Variants in RNASEL observed in about 807,000 individuals in gnomAD.
RNASEL encodes the protein ribonuclease L, also known as 2-5A-dependent ribonuclease.
RNASEL carries 36 observed loss-of-function variants against 50.9 expected under a neutral mutation model. That is an observed-to-expected ratio of 0.71 (90% CI 0.54 to 0.93). The LOEUF is 0.93. Among genes scored for constraint, RNASEL ranks in the 40% least tolerant of loss-of-function variants. RNASEL has a pLI of 0.00. For synonymous variants in RNASEL, 335 were observed against 335.6 expected, an observed-to-expected ratio of 1.00 and a Z score of 0.02; for missense variants, 860 against 894.5, an observed-to-expected ratio of 0.96 and a Z score of 0.49.
At chr1:182,580,702 G>A (rs1018409890) in intron 5 of RNASEL, among the ~76,000 whole-genome samples, 1 of 152,222 alleles carries the variant, frequency 6.6e-6, no homozygotes, top group Non-Finnish European at 1.5e-5. Context: ...ATGCAAGTTA[G>A]GTGGAACTTT....
At chr1:182,577,062 T>G (rs570060443) in intron 5 of RNASEL, 3 of 150,180 alleles carry the variant, frequency 2.0e-5, no homozygotes, top group South Asian at 4.2e-4. Flanking sequence ...TTTTTGTATT[T>G]TTAGTAGAGA....
intron 2 of RNASEL, 124 bp from the exon 3 acceptor site, chr1:182,584,290 C>A (rs1475054657): frequency 2.8e-6 from 2 of 724,566 alleles, no homozygotes; most frequent in Non-Finnish European, 5.0e-6. Context: ...CAATAATAAA[C>A]CTTATATCTG....
rs747227620 is a variant in RNASEL at position 182,585,513 on chromosome 1, C to T, written c.1294G>A (p.Val432Met). 13 of 1,614,212 alleles carry T rather than the reference C, an allele frequency of 8.1e-6. No individual in the cohort carries two copies. The highest frequency in any genetic ancestry group is 1.1e-5 in the Non-Finnish European group (13 of 1,180,020). Reference protein sequence around the residue: ...GSESHRGHLFVCVTLCEQTLE... With the variant: ...GSESHRGHLFMCVTLCEQTLE... Reference sequence around the variant, plus strand: ...GTCTGCTCACAGAGGGTGACACACACAAACAAGTGGCCCCTGTGGCTCTCA... The same window carrying T: ...GTCTGCTCACAGAGGGTGACACACATAAACAAGTGGCCCCTGTGGCTCTCA... The change falls in exon 2 of 7, where the codon GTG becomes ATG. Residue 432 changes from valine to methionine, a missense_variant. Coordinates refer to ENST00000367559, the MANE Select transcript of RNASEL (RefSeq NM_021133.4).
In RNASEL at chr1:182,585,409, T is replaced by C. The variant is rs1243660941; in HGVS notation, c.1398A>G (p.Ser466=). ...GTTCTTGAACAGCCTTAAATATAGA[T>C]GACAGGACATTTCGGGCAAATTCAT... ...EEDEFARNVL[S]SIFKAVQELH... The change falls in exon 2 of 7, where the codon TCA becomes TCG. Residue 466 remains serine, a synonymous_variant. Transcript: ENST00000367559. The C allele has an allele frequency of 4.3e-6, 7 of 1,614,016 alleles. No homozygotes were observed. Among genetic ancestry groups the C allele is most frequent in the Non-Finnish European group, 5.9e-6 (7 of 1,180,034 alleles).
chr1:182,584,009 G>T, intron 3 of RNASEL, 72 bp downstream of exon 3: 1 of 1,116,070 alleles, frequency 9.0e-7, no homozygotes, highest in Non-Finnish European at 1.4e-6. Flanking sequence ...TGTCCCTCTA[G>T]AGAACCCTGA....
chr1:182,584,286 TA>T (rs1434771377), intron 2 of RNASEL, 120 bp from the exon 3 acceptor site: 5 of 734,634 alleles, frequency 6.8e-6, no homozygotes, highest in Non-Finnish European at 1.2e-5. Flanking sequence ...AAGGCAATAA[TA>T]AACCTTATAT....
At chr1:182,583,427 T>C (rs1283282580) in intron 3 of RNASEL, among the ~76,000 whole-genome samples, 2 of 152,304 alleles carry the variant, frequency 1.3e-5, no homozygotes, top group South Asian at 2.1e-4. Flanking sequence ...CTGGTTAAAA[T>C]AGAATGCCCT....
Position 182,585,619 on chromosome 1 carries a change from C to T in RNASEL, c.1188G>A (p.Glu396=). 6.2e-7 allele frequency: 1 copy of T among 1,614,204 alleles called. No homozygotes were observed. The highest frequency in any genetic ancestry group is 1.7e-5 in the Admixed American group (1 of 60,024). The part of the protein sequence containing the change: ...KQEVAVKTFC[E]GSPRAQREVS... ...CTTCCCGCTGTGCACGTGGGCTGCC[C>T]TCACAGAACGTCTTCACAGCTACTT... Residue 396 remains glutamate (E), a synonymous_variant, in exon 2 of 7, where the codon GAG becomes GAA. Transcript: ENST00000367559.
rs1661353796 is a variant in RNASEL, at chr1:182,575,047, G to A, written c.*345C>T. Reference sequence around the variant, plus strand: ...CTCAGGTTCCTCAGTTCTTAAATGGGGATGATAATCCCTGTTTTGCAAGAT... The same window carrying A: ...CTCAGGTTCCTCAGTTCTTAAATGGAGATGATAATCCCTGTTTTGCAAGAT... On this transcript the variant is annotated 3_prime_UTR_variant, in exon 7 of 7. Transcript: ENST00000367559. 5.4e-6 allele frequency: 2 copies of A among 372,548 alleles called. No individual in the cohort carries two copies. The highest frequency in any genetic ancestry group is 9.0e-5 in the East Asian group (2 of 22,304). The allele number at this position is 372,548 out of a possible 1,614,324, so 23.1% of individuals were successfully genotyped here.
intron 3 of RNASEL, among the ~76,000 whole-genome samples, chr1:182,583,388 T>C (rs2102368281): frequency 6.6e-6 from 1 of 152,294 alleles, no homozygotes; most frequent in East Asian, 1.9e-4. Flanking sequence ...GTGAGCAAGA[T>C]GGGGAAAGCC....
Position 182,581,277 on chromosome 1 carries a change from A to G in RNASEL, c.1853T>C (p.Leu618Pro). 6.2e-7 allele frequency: 1 copy of G among 1,614,166 alleles called. No homozygotes were observed. The highest frequency in any genetic ancestry group is 8.5e-7 in the Non-Finnish European group (1 of 1,180,036). ...GGAATGTTCAGAAGGCCCAGGTTGC[A>G]GTAGTCTGAGGATCTCACTTTCAGA... ...RKSESEILRL[L>P]QPGPSEHSKS... The change falls in exon 5 of 7, where the codon CTG (leucine) becomes CCG (proline). Residue 618 changes from leucine to proline, a missense_variant. Physicochemically the swap from Leu to Pro is moderately conservative, Grantham distance 98. Coordinates refer to ENST00000367559, the MANE Select transcript of RNASEL (RefSeq NM_021133.4).
chr1:182,582,775 G>A (rs1661520701), intron 3 of RNASEL, among the ~76,000 whole-genome samples: 1 of 152,136 alleles, frequency 6.6e-6, no homozygotes, highest in Non-Finnish European at 1.5e-5. Flanking sequence ...AGTCAAGGAG[G>A]GAGCTGAAAT....
At chr1:182,583,573 T>C (rs918395196) in intron 3 of RNASEL, among the ~76,000 whole-genome samples, 15 of 151,632 alleles carry the variant, frequency 9.9e-5, no homozygotes. Flanking sequence ...AACATTTGAG[T>C]CAGTGGACTG....
In RNASEL at chr1:182,575,391, A is replaced by G; in HGVS notation, c.*1T>C. ...TCCCTGAACTCCAGCAAATCAGTCC[A>G]TCAGCACCCAGGGCTGGCCAACCCA... On this transcript the variant is annotated 3_prime_UTR_variant, in exon 7 of 7. Coordinates refer to ENST00000367559, the MANE Select transcript of RNASEL (RefSeq NM_021133.4). The G allele has an allele frequency of 6.2e-7, 1 of 1,614,030 alleles. No homozygotes were observed. The highest frequency in any genetic ancestry group is 8.5e-7 in the Non-Finnish European group (1 of 1,179,974).
Position 182,574,589 on chromosome 1 carries a change from G to C in RNASEL, c.*803C>G, listed in dbSNP as rs891081056. The C allele has an allele frequency of 2.1e-5, 5 of 232,620 alleles. No individual in the cohort carries two copies. Among genetic ancestry groups the C allele is most frequent in the African/African-American group, 1.1e-4 (5 of 45,230 alleles). The allele number at this position is 232,620 out of a possible 1,614,324, so 14.4% of individuals were successfully genotyped here. A position where few individuals can be genotyped will look rare whatever the true frequency, so the allele number is the denominator to read the frequency against. On this transcript the variant is annotated 3_prime_UTR_variant, in exon 7 of 7. Coordinates refer to ENST00000367559, the MANE Select transcript of RNASEL (RefSeq NM_021133.4). ...TTTGTCTGGATAATTCTTTGTTGCA[G>C]GGGCTGTCCTGTGCAAGGCAGGTTT...
rs1207355630 is a variant in RNASEL at position 182,586,362 on chromosome 1, C to T, written c.445G>A (p.Ala149Thr). 1.9e-6 allele frequency: 3 copies of T among 1,614,120 alleles called. No homozygotes were observed. Among genetic ancestry groups the T allele is most frequent in the African/African-American group, 2.7e-5 (2 of 74,936 alleles). ...KALKFLYKRGANVNLRRKTKE... is the reference protein window; with the variant it reads ...KALKFLYKRGTNVNLRRKTKE... ...GTCTTTCGCCTCAAATTCACATTTG[C>T]TCCTCTCTTATAAAGGAATTTTAGG... Residue 149 changes from alanine (A) to threonine (T), a missense_variant, in exon 2 of 7, where the codon GCA (alanine) becomes ACA (threonine). Physicochemically the swap from Ala to Thr is moderately conservative, Grantham distance 58. Transcript: ENST00000367559.
chr1:182,582,322 G>T, intron 3 of RNASEL, 64 bp from the exon 4 acceptor site: 1 of 1,574,074 alleles, frequency 6.4e-7, no homozygotes, highest in Non-Finnish European at 8.7e-7. Context: ...CCTGGAAGGA[G>T]TGGTGCACGC....
intron 4 of RNASEL, 151 bp from the exon 5 acceptor site, chr1:182,581,508 G>A: frequency 1.2e-6 from 1 of 850,834 alleles, no homozygotes. Context: ...TTGAGATGGA[G>A]TCTCGCTCTG....
At chr1:182,577,096 G>GAA (rs1661400849) in intron 5 of RNASEL, 1 of 150,418 alleles carries the variant, frequency 6.6e-6, no homozygotes, top group Non-Finnish European at 1.5e-5. Context: ...TGTTGGCCAG[G>GAA]CTGGTCTCAA....
Sources: allele counts gnomAD v4.1 joint callset (sites outside exome capture counted in the v4.1 genomes callset), GRCh38; gene constraint gnomAD v4.1.1; transcripts MANE v1.5; gene names NCBI Gene and HGNC (gene_info 2026-07-23, HGNC 2026-07-21).